The following PCSK5 variants were observed in gnomAD, a reference collection of about 807,000 sequenced individuals.
The protein encoded by PCSK5 is prohormone convertase 5.
In PCSK5, 129 loss-of-function variants were observed where a neutral mutation model predicts 233.2. The ratio of observed to expected loss-of-function variants is 0.55; its 90% CI spans 0.48 to 0.64. PCSK5 has a LOEUF of 0.64. PCSK5 is among the 30% of genes least tolerant of loss of function. The pLI, the probability that PCSK5 is intolerant of heterozygous loss-of-function variation, is 0.00. For missense variants in PCSK5, 2,076 were observed against 2,430.1 expected (o/e 0.85, Z 3.06); for synonymous variants, 825 against 879.2 (o/e 0.94, Z 1.09).
rs1240893477 is a variant in PCSK5, at chr9:76,095,896, A to G, written c.901A>G (p.Arg301Gly). ...TTTCTCTGTTTGTGAACAGGGGCGG[A>G]GAGGCCTCGGCTCTGTGTTTGTTTG... ...AFENGVRMGR[R>G]GLGSVFVWAS... Residue 301 changes from arginine (R) to glycine (G), a missense_variant, in exon 8 of 38, where the codon AGA (arginine) becomes GGA (glycine). By Grantham distance (125) the Arg-to-Gly change is moderately radical (BLOSUM62 -2). Around this residue, in one of 6 missense-constraint regions of PCSK5, gnomAD observed 178 missense variants for 393.6 expected, o/e 0.45. Coordinates refer to ENST00000674117, the MANE Select transcript of PCSK5 (RefSeq NM_001372043.1). 1.9e-6 allele frequency: 3 copies of G among 1,613,854 alleles called. No homozygotes were observed. The Admixed American group carries it at 5.0e-5, about 27-fold the overall frequency.
intron 7 of PCSK5, among the ~76,000 whole-genome samples, chr9:76,093,582 TACAC>T (rs3074176): frequency 1.5e-4 from 22 of 149,838 alleles, no homozygotes; most frequent in Non-Finnish European, 2.4e-4. Flanking sequence ...TATATATATA[TACAC>T]ACACACACAC....
intron 27 of PCSK5, among the ~76,000 whole-genome samples, chr9:76,297,916 C>T (rs147203663): frequency 1.3e-5 from 2 of 152,122 alleles, no homozygotes; most frequent in African/African-American, 2.4e-5. Context: ...GCTCAGAGAC[C>T]GTGGAAAGCC....
chr9:75,934,863 C>T (rs910314763), intron 2 of PCSK5, among the ~76,000 whole-genome samples: 3 of 151,834 alleles, frequency 2.0e-5, no homozygotes, highest in African/African-American at 7.3e-5. Context: ...GGGATTACAG[C>T]TGTGAGCCAC....
chr9:76,171,938 G>T (rs187104363), intron 13 of PCSK5, among the ~76,000 whole-genome samples: 2,041 of 151,686 alleles, frequency 0.013, 25 homozygotes, highest in Non-Finnish European at 0.02. Context: ...TGGGTGGGGG[G>T]GTGTGTGTGT....
chr9:76,011,628 C>T lies in PCSK5; in HGVS notation c.412-12110C>T, dbSNP rs910356573. 5.9e-5 allele frequency among the ~76,000 whole-genome samples: 9 copies of T among 152,292 alleles called. No homozygotes were observed. In the South Asian group the frequency reaches 1.9e-3, roughly 32 times the overall value. Reference sequence around the variant, plus strand: ...AAATTATCATGCTCTTTAAACATCACACATACTACAGTGTGGATTGTTTTT... The same window carrying T: ...AAATTATCATGCTCTTTAAACATCATACATACTACAGTGTGGATTGTTTTT... On this transcript the variant is annotated intron_variant, in intron 3 of 37. Coordinates refer to ENST00000674117, the MANE Select transcript of PCSK5 (RefSeq NM_001372043.1).
intron 1 of PCSK5, among the ~76,000 whole-genome samples, chr9:75,931,220 T>C (rs1481255569): frequency 1.3e-5 from 2 of 151,584 alleles, no homozygotes; most frequent in Non-Finnish European, 2.9e-5. Flanking sequence ...ATAAACTTTT[T>C]ATCTGGAAAA....
intron 29 of PCSK5, 56 bp downstream of exon 29, chr9:76,308,784 A>T: frequency 9.3e-7 from 1 of 1,079,920 alleles, no homozygotes; most frequent in Middle Eastern, 2.0e-4. Context: ...ATTGAAACTC[A>T]TGTGTAGTGG....
At chr9:76,030,961 G>A (rs1041847594) in intron 5 of PCSK5, among the ~76,000 whole-genome samples, 6 of 152,116 alleles carry the variant, frequency 3.9e-5, no homozygotes, top group African/African-American at 1.4e-4. Context: ...TGTTCCCAGT[G>A]TGTGCTTAGG....
intron 19 of PCSK5, among the ~76,000 whole-genome samples, 198 bp downstream of exon 19, chr9:76,189,421 CT>C (rs1423214682): frequency 6.6e-6 from 1 of 152,162 alleles, no homozygotes; most frequent in African/African-American, 2.4e-5. Flanking sequence ...ACCTTAAAAC[CT>C]TTAATATTTC....
intron 12 of PCSK5, among the ~76,000 whole-genome samples, chr9:76,161,044 G>T (rs1587702411): frequency 6.6e-6 from 1 of 152,326 alleles, no homozygotes; most frequent in South Asian, 2.1e-4. Flanking sequence ...AAAGTGCTGG[G>T]ATTACAGGCA....
rs577837754 is a variant in PCSK5, at chr9:76,295,340, C to G, written c.3251C>G (p.Ala1084Gly). 6.2e-7 allele frequency: 1 copy of G among 1,611,216 alleles called. No individual in the cohort carries two copies. Among genetic ancestry groups the G allele is most frequent in the Non-Finnish European group, 8.5e-7 (1 of 1,178,498 alleles). Residue 1084 changes from alanine to glycine, a missense_variant, in exon 26 of 38, where the codon GCG (alanine) becomes GGG (glycine). Physicochemically the swap from Ala to Gly is moderately conservative, Grantham distance 60. Transcript: ENST00000674117. ...TACAGTGAGGAAGTGGAATGCAAGG[C>G]GTGTGATAGTAACTGTGGCAGCTGT... Reference protein sequence around the residue: ...KTYSEEVECKACDSNCGSCDQ... With the variant: ...KTYSEEVECKGCDSNCGSCDQ...
At chr9:76,351,651 GAGAGAGAGAA>G in intron 36 of PCSK5, among the ~76,000 whole-genome samples, 1 of 94,774 alleles carries the variant, frequency 1.1e-5, no homozygotes, top group Admixed American at 1.7e-4. Flanking sequence ...AAGAAAGAAA[GAGAGAGAGAA>G]AGAAAGAAAG....
chr9:76,104,325 T>C (rs1831889900), intron 8 of PCSK5, among the ~76,000 whole-genome samples: 1 of 152,206 alleles, frequency 6.6e-6, no homozygotes, highest in Non-Finnish European at 1.5e-5. Flanking sequence ...TGTTTTTGTT[T>C]CTTTTCTCCC....
chr9:76,216,348 G>A (rs959540372), intron 20 of PCSK5, among the ~76,000 whole-genome samples: 2 of 152,182 alleles, frequency 1.3e-5, no homozygotes, highest in Non-Finnish European at 2.9e-5. Flanking sequence ...ACTCTGAAAT[G>A]TTTTGATGAG....
chr9:76,258,775 C>A (rs1218493120), intron 24 of PCSK5, among the ~76,000 whole-genome samples: 2 of 152,200 alleles, frequency 1.3e-5, no homozygotes, highest in African/African-American at 4.8e-5. Context: ...GTTTGACCTA[C>A]TGAGATTTTA....
intron 24 of PCSK5, among the ~76,000 whole-genome samples, chr9:76,269,462 T>C (rs569939657): frequency 1.6e-4 from 25 of 152,114 alleles, no homozygotes; most frequent in Non-Finnish European, 3.5e-4. Flanking sequence ...CTAGTAAAAA[T>C]TGAGATGGAT....
intron 24 of PCSK5, among the ~76,000 whole-genome samples, chr9:76,282,862 G>A (rs1827928276): frequency 6.6e-6 from 1 of 152,104 alleles, no homozygotes; most frequent in Admixed American, 6.6e-5. Context: ...TTCATGGGAG[G>A]AGGTCAAGAT....
At chr9:76,082,665 TAAG>T (rs1830890926) in intron 7 of PCSK5, among the ~76,000 whole-genome samples, 1 of 151,778 alleles carries the variant, frequency 6.6e-6, no homozygotes, top group African/African-American at 2.4e-5. Context: ...CAGCCCACAA[TAAG>T]AAGACTTACT....
At chr9:75,955,190 C>T (rs1180289564) in intron 2 of PCSK5, among the ~76,000 whole-genome samples, 1 of 152,124 alleles carries the variant, frequency 6.6e-6, no homozygotes, top group Non-Finnish European at 1.5e-5. Flanking sequence ...GAAACAGACT[C>T]GGAGAGGCCC....
Sources: allele counts gnomAD v4.1 joint callset (sites outside exome capture counted in the v4.1 genomes callset), GRCh38; gene constraint gnomAD v4.1.1; regional missense constraint gnomAD v4.1.1; transcripts MANE v1.5; gene names NCBI Gene and HGNC (gene_info 2026-07-23, HGNC 2026-07-21).